Variants in ATXN1 observed in about 807,000 individuals in gnomAD.
The protein encoded by ATXN1 is ataxin-1.
In ATXN1, 8 loss-of-function variants were observed where a neutral mutation model predicts 56.4. The ratio of observed to expected loss-of-function variants is 0.14; its 90% confidence interval spans 0.08 to 0.26. ATXN1 has a LOEUF of 0.26. ATXN1 is among the 10% of genes least tolerant of loss of function. The probability of loss-of-function intolerance (pLI) is 1.00; values close to 1 mark genes in which losing one functional copy is unlikely to be tolerated. For missense variants in ATXN1, 987 were observed against 1,106.5 expected, an observed-to-expected ratio of 0.89 and a Z score of 1.53; for synonymous variants, 514 against 494.6, an observed-to-expected ratio of 1.04 and a Z score of -0.52.
rs143054803 is a variant in ATXN1 at position 16,472,339 on chromosome 6, G to A, written c.-161+13633C>T. 3.6e-3 allele frequency among the ~76,000 whole-genome samples: 553 copies of A among 152,246 alleles called. 1 individual carries two copies. The highest frequency in any genetic ancestry group is 6.1e-3 in the Non-Finnish European group (412 of 68,036). On this transcript the variant is annotated intron_variant, in intron 6 of 7. Transcript: ENST00000436367. ...TGTACAGCACAAAACATGGAATTGG[G>A]TATCTCTCCAGTCACCTATAAAGCT...
At position 16,506,474 on chromosome 6, in the gene ATXN1, A is replaced by G. The variant is rs1178125832; in HGVS notation, c.-299+16153T>C. Among the ~76,000 whole-genome samples the G allele has an allele frequency of 6.6e-6, 1 of 152,202 alleles. No homozygotes were observed. Among genetic ancestry groups the G allele is most frequent in the Non-Finnish European group, 1.5e-5 (1 of 68,028 alleles). The stretch of plus-strand genomic sequence containing the variant: ...ATCAGGCCACAAGACAGTAGTTCAG[A>G]AAAGGGTAATTTTTGTTTTAATTTT... On this transcript the variant is annotated intron_variant, in intron 5 of 7. Transcript: ENST00000436367. The surrounding 1 kb of genome is among the most constrained non-coding windows in gnomAD (Gnocchi z 4.1).
chr6:16,314,799 C>T (rs1216194305), intron 7 of ATXN1, among the ~76,000 whole-genome samples: 9 of 151,838 alleles, frequency 5.9e-5, no homozygotes, highest in Admixed American at 3.3e-4. Flanking sequence ...TTAGTAGAGA[C>T]GGGGTTTTAC....
chr6:16,644,882 A>C (rs140481570), intron 3 of ATXN1, among the ~76,000 whole-genome samples: 9 of 152,356 alleles, frequency 5.9e-5, no homozygotes, highest in Non-Finnish European at 1.0e-4. Context: ...TTCCTGATTT[A>C]AATGCATCAA....
intron 6 of ATXN1, among the ~76,000 whole-genome samples, chr6:16,479,038 A>C: frequency 6.6e-6 from 1 of 152,216 alleles, no homozygotes; most frequent in East Asian, 1.9e-4. Context: ...AAGAAGTAGA[A>C]TTTAAAAGTA....
At chr6:16,697,876 A>G (rs1430164550) in intron 2 of ATXN1, among the ~76,000 whole-genome samples, 1 of 152,194 alleles carries the variant, frequency 6.6e-6, no homozygotes, top group Non-Finnish European at 1.5e-5. Flanking sequence ...GTTTTCACCA[A>G]TAAATAGCCA....
At chr6:16,572,908 T>C (rs1417226571) in intron 4 of ATXN1, among the ~76,000 whole-genome samples, 2 of 152,228 alleles carry the variant, frequency 1.3e-5, no homozygotes, top group Admixed American at 1.3e-4. Context: ...AAGTGGGGCA[T>C]GAATGGCCTT....
rs1760181237 is a variant in ATXN1 at position 16,304,169 on chromosome 6, G to C, written c.*2160C>G. ...ACAGCCAAAATGTGGGTTGATACCA[G>C]ATTTTTTTTTTAATTTGTGAAACGA... On this transcript the variant is annotated 3_prime_UTR_variant, in exon 8 of 8. Transcript: ENST00000436367. 1 of 152,464 alleles carries C rather than the reference G, an allele frequency of 6.6e-6. No individual in the cohort carries two copies. Among genetic ancestry groups the C allele is most frequent in the African/African-American group, 2.4e-5 (1 of 41,422 alleles). The allele number at this position is 152,464 out of a possible 1,614,324, so 9.4% of individuals were successfully genotyped here.
intron 2 of ATXN1, among the ~76,000 whole-genome samples, chr6:16,686,852 T>G (rs1482444037): frequency 6.6e-6 from 1 of 152,234 alleles, no homozygotes; most frequent in African/African-American, 2.4e-5. Flanking sequence ...TGTTTCTATC[T>G]AAGTCCCATG....
chr6:16,610,175 T>C (rs892808639), intron 3 of ATXN1, among the ~76,000 whole-genome samples: 3 of 152,014 alleles, frequency 2.0e-5, no homozygotes, highest in South Asian at 2.1e-4. Flanking sequence ...GATTGATGCA[T>C]AGTCAAAGTA....
chr6:16,735,012 T>G (rs1352432851), intron 2 of ATXN1, among the ~76,000 whole-genome samples: 1 of 152,234 alleles, frequency 6.6e-6, no homozygotes, highest in Non-Finnish European at 1.5e-5. Flanking sequence ...TATTTTATTT[T>G]ATATTTAGTA....
intron 6 of ATXN1, among the ~76,000 whole-genome samples, chr6:16,374,238 C>A (rs1762103275): frequency 6.6e-6 from 1 of 151,364 alleles, no homozygotes. Context: ...GGAACAAGAC[C>A]ATATTCAGTT....
chr6:16,596,656 G>A (rs577189212), intron 3 of ATXN1, among the ~76,000 whole-genome samples: 98 of 152,276 alleles, frequency 6.4e-4, no homozygotes, highest in African/African-American at 2.1e-3. Flanking sequence ...GGACCAATTA[G>A]TCCTTCCCCT....
intron 6 of ATXN1, among the ~76,000 whole-genome samples, chr6:16,460,368 T>C (rs1759966236): frequency 6.6e-6 from 1 of 152,174 alleles, no homozygotes; most frequent in African/African-American, 2.4e-5. Context: ...GAAATTGATG[T>C]AGTAGCAAAA....
At chr6:16,476,816 C>T (rs1385855324) in intron 6 of ATXN1, among the ~76,000 whole-genome samples, 1 of 152,188 alleles carries the variant, frequency 6.6e-6, no homozygotes, top group African/African-American at 2.4e-5. Context: ...TCTTCACTAC[C>T]AGCCCTTATT....
At chr6:16,342,209 C>T (rs998016766) in intron 6 of ATXN1, among the ~76,000 whole-genome samples, 1 of 152,032 alleles carries the variant, frequency 6.6e-6, no homozygotes, top group African/African-American at 2.4e-5. Flanking sequence ...ATTACAGCAG[C>T]CAATCCTTTT....
At chr6:16,421,960 T>C (rs993555812) in intron 6 of ATXN1, among the ~76,000 whole-genome samples, 2 of 152,194 alleles carry the variant, frequency 1.3e-5, no homozygotes, top group Admixed American at 1.3e-4. Flanking sequence ...CCACTGCATA[T>C]GCATTTTTTA....
chr6:16,327,666 C>CTGA lies in ATXN1; in HGVS notation c.644_645insTCA (p.Gln214_Gln215insHis), dbSNP rs758319764. 1.0e-3 allele frequency: 1,533 copies of CTGA among 1,528,366 alleles called. 1 individual carries two copies. The East Asian group carries it at 0.022, about 22-fold the overall frequency. The allele number at this position is 1,528,366 out of a possible 1,614,324, so 94.7% of individuals were successfully genotyped here. On this transcript the variant is annotated inframe_insertion, in exon 7 of 8. Transcript: ENST00000436367. ...GCTGCTGCTGCTGCTGCTGCTGCTGCTGCTGCTGCTGATGCTGATGCTGCT... is the reference window on the plus strand; with the variant it reads ...GCTGCTGCTGCTGCTGCTGCTGCTGCTGATGCTGCTGCTGATGCTGATGCTGCT...
chr6:16,426,742 C>G (rs1445731595), intron 6 of ATXN1, among the ~76,000 whole-genome samples: 1 of 152,056 alleles, frequency 6.6e-6, no homozygotes, highest in Non-Finnish European at 1.5e-5. Flanking sequence ...CTATCTCTGT[C>G]TCTCTGTCTT....
intron 6 of ATXN1, among the ~76,000 whole-genome samples, chr6:16,404,749 T>A (rs1018790908): frequency 2.0e-5 from 3 of 151,974 alleles, no homozygotes; most frequent in Non-Finnish European, 4.4e-5. Context: ...CTGGGTCATT[T>A]CCTGTGAAAT....
Sources: allele counts gnomAD v4.1 joint callset (sites outside exome capture counted in the v4.1 genomes callset), GRCh38; gene constraint gnomAD v4.1.1; non-coding constraint Gnocchi (gnomAD v3.1); transcripts MANE v1.5; gene names NCBI Gene and HGNC (gene_info 2026-07-23, HGNC 2026-07-21).